Variants in SGK3 observed in about 807,000 individuals in gnomAD.
SGK3 encodes the protein serum/glucocorticoid regulated kinase family member 3, also known as serine/threonine-protein kinase Sgk3.
A neutral mutation model predicts 68.5 loss-of-function variants in SGK3; 47 were observed. The ratio of observed to expected loss-of-function variants is 0.69; its 90% CI spans 0.54 to 0.87. The LOEUF (loss-of-function observed/expected upper bound fraction) is 0.87. Among genes scored for constraint, SGK3 ranks in the 40% least tolerant of loss-of-function variants. The pLI is 0.00. For synonymous variants in SGK3, 181 were observed against 189.1 expected (o/e 0.96, Z 0.35); for missense variants, 479 against 575.5 (o/e 0.83, Z 1.72).
At chr8:66,768,700 A>C (rs1806405090) in intron 1 of SGK3, among the ~76,000 whole-genome samples, 1 of 151,960 alleles carries the variant, frequency 6.6e-6, no homozygotes, top group African/African-American at 2.4e-5. Flanking sequence ...GAGTAGCTGG[A>C]ATTACTGGCG....
chr8:66,793,796 C>T lies in SGK3; in HGVS notation c.60C>T (p.Ser20=), dbSNP rs1416747081. Residue 20 remains serine, a synonymous_variant, in exon 2 of 17, where the codon AGC becomes AGT. Coordinates refer to ENST00000521198, the MANE Select transcript of SGK3 (RefSeq NM_001033578.3). ...KESCPSVSIP[S]SDEHREKKKR... ...GCTGCCCAAGTGTAAGCATTCCCAGCTCCGATGAACACAGAGAGAAAAAGA... is the reference window on the plus strand; with the variant it reads ...GCTGCCCAAGTGTAAGCATTCCCAGTTCCGATGAACACAGAGAGAAAAAGA... The T allele has an allele frequency of 6.2e-7, 1 of 1,613,324 alleles. No homozygotes were observed. Among genetic ancestry groups the T allele is most frequent in the East Asian group, 2.2e-5 (1 of 44,822 alleles).
rs1054749605 is a variant in SGK3, at chr8:66,835,734, T to C, written c.526-29T>C. 6 of 1,581,308 alleles carry C rather than the reference T, an allele frequency of 3.8e-6. No individual in the cohort carries two copies. The African/African-American group carries it at 8.2e-5, about 22-fold the overall frequency. On this transcript the variant is annotated intron_variant, in intron 8 of 16. Transcript: ENST00000521198. ...TTCTATCAAAATTTGAAATTTCTAATAGTATACACTAATGTTTAACTATAA... is the reference window on the plus strand; with the variant it reads ...TTCTATCAAAATTTGAAATTTCTAACAGTATACACTAATGTTTAACTATAA...
At chr8:66,746,974 A>C (rs1318940737) in intron 1 of SGK3, among the ~76,000 whole-genome samples, 1 of 152,080 alleles carries the variant, frequency 6.6e-6, no homozygotes, top group Admixed American at 6.6e-5. Flanking sequence ...TCCTGATGGA[A>C]GTATTCACTG....
At chr8:66,843,678 A>C in intron 14 of SGK3, 131 bp downstream of exon 14, 2 of 885,146 alleles carry the variant, frequency 2.3e-6, no homozygotes, top group Non-Finnish European at 3.3e-6. Context: ...GGTTAAATGA[A>C]CCCAAACCCA....
At chr8:66,725,435 G>T (rs950527825) in intron 1 of SGK3, among the ~76,000 whole-genome samples, 2 of 151,340 alleles carry the variant, frequency 1.3e-5, no homozygotes, top group African/African-American at 4.9e-5. Context: ...ATCTCTTTGG[G>T]GTAGGGGATG....
intron 1 of SGK3, among the ~76,000 whole-genome samples, chr8:66,734,813 G>C (rs905306782): frequency 6.6e-6 from 1 of 151,996 alleles, no homozygotes; most frequent in Non-Finnish European, 1.5e-5. Context: ...TGGGCGTGGT[G>C]GCGCACACCT....
chr8:66,838,452 C>A (rs1489377100), intron 10 of SGK3, among the ~76,000 whole-genome samples: 1 of 152,146 alleles, frequency 6.6e-6, no homozygotes. Context: ...AAGTGTCAGA[C>A]CCTGCATTTA....
At chr8:66,798,236 A>G (rs926629075) in intron 2 of SGK3, among the ~76,000 whole-genome samples, 2 of 152,046 alleles carry the variant, frequency 1.3e-5, no homozygotes, top group African/African-American at 4.8e-5. Flanking sequence ...TCCAGCTCCT[A>G]TGCTCAAGTA....
chr8:66,850,936 A>C lies in SGK3; in HGVS notation c.1320+16A>C. The C allele has an allele frequency of 6.3e-7, 1 of 1,591,664 alleles. No individual in the cohort carries two copies. Among genetic ancestry groups the C allele is most frequent in the Middle Eastern group, 1.7e-4 (1 of 5,892 alleles). ...TCCTAATGTGGTAAGTATATATCCAAATCTTTCTTTCTAGAATCGTGAAAC... is the reference window on the plus strand; with the variant it reads ...TCCTAATGTGGTAAGTATATATCCACATCTTTCTTTCTAGAATCGTGAAAC... On this transcript the variant is annotated intron_variant, in intron 16 of 16. Transcript: ENST00000521198.
chr8:66,784,607 G>T (rs1807125040), intron 1 of SGK3, among the ~76,000 whole-genome samples: 1 of 151,734 alleles, frequency 6.6e-6, no homozygotes, highest in Non-Finnish European at 1.5e-5. Flanking sequence ...AATTTTTTTT[G>T]ACTGCCCTGA....
intron 10 of SGK3, among the ~76,000 whole-genome samples, chr8:66,839,003 T>C (rs1029237929): frequency 2.0e-5 from 3 of 152,204 alleles, no homozygotes; most frequent in African/African-American, 7.2e-5. Context: ...AATTGTTGGC[T>C]AATGTCCACA....
intron 1 of SGK3, among the ~76,000 whole-genome samples, chr8:66,731,919 A>G (rs1805167190): frequency 6.6e-6 from 1 of 152,200 alleles, no homozygotes; most frequent in Non-Finnish European, 1.5e-5. Flanking sequence ...AGGATTTACT[A>G]GTAGAATGTG....
chr8:66,767,144 CAA>C (rs1358320153), intron 1 of SGK3, among the ~76,000 whole-genome samples: 3 of 152,208 alleles, frequency 2.0e-5, no homozygotes, highest in African/African-American at 7.2e-5. Context: ...CACACCCGGT[CAA>C]GTTTGTCTTT....
chr8:66,802,772 G>A (rs868175671), intron 3 of SGK3, among the ~76,000 whole-genome samples: 2 of 151,368 alleles, frequency 1.3e-5, no homozygotes, highest in South Asian at 4.2e-4. Flanking sequence ...AAGGAAGGAA[G>A]GAAGGTTAAT....
In SGK3 at chr8:66,729,238, C is replaced by T. The variant is rs546683168; in HGVS notation, c.-122+16405C>T. ...TTGGGAGGCCGAGGCAGGCGGATCA[C>T]GAGGTCAGGAGATCGAGACCATCCT... On this transcript the variant is annotated intron_variant, in intron 1 of 16. Coordinates refer to ENST00000521198, the MANE Select transcript of SGK3 (RefSeq NM_001033578.3). 5.7e-3 allele frequency among the ~76,000 whole-genome samples: 859 copies of T among 150,294 alleles called. 6 individuals carry two copies. Among genetic ancestry groups the T allele is most frequent in the Non-Finnish European group, 9.8e-3 (664 of 67,802 alleles).
intron 1 of SGK3, among the ~76,000 whole-genome samples, chr8:66,732,848 A>C (rs61080934): frequency 0.13 from 19,924 of 152,036 alleles, 2,486 homozygotes; most frequent in African/African-American, 0.33. Flanking sequence ...GACCACATAA[A>C]TTTTATTAAA....
intron 1 of SGK3, among the ~76,000 whole-genome samples, chr8:66,726,496 T>G (rs770878348): frequency 2.4e-4 from 36 of 152,302 alleles, no homozygotes; most frequent in Non-Finnish European, 4.7e-4. Context: ...AGTGGTTAAA[T>G]GAGCTTGAAA....
chr8:66,714,564 A>G (rs1345810829), intron 1 of SGK3, among the ~76,000 whole-genome samples: 1 of 152,154 alleles, frequency 6.6e-6, no homozygotes, highest in Non-Finnish European at 1.5e-5. Context: ...AAGTGAGCCG[A>G]TAAGCCTTAT....
At chr8:66,730,056 G>A (rs1245628330) in intron 1 of SGK3, among the ~76,000 whole-genome samples, 1 of 152,024 alleles carries the variant, frequency 6.6e-6, no homozygotes, top group Non-Finnish European at 1.5e-5. Context: ...ACCGTGCCCA[G>A]CCCTACCTTA....
Sources: gnomAD v4.1 joint callset for allele counts (sites outside exome capture counted in the v4.1 genomes callset) on GRCh38, gnomAD v4.1.1 for gene constraint, MANE v1.5 for transcripts, NCBI Gene and HGNC (gene_info 2026-07-23, HGNC 2026-07-21) for gene names.